The following CHAT variants were observed in gnomAD, a reference collection of about 807,000 sequenced individuals.
The protein encoded by CHAT is acetyl CoA:choline O-acetyltransferase.
Under a neutral mutation model 76.9 loss-of-function variants are expected in CHAT, and 61 were observed. That is an observed-to-expected ratio of 0.79 (90% CI 0.65 to 0.98). The LOEUF (loss-of-function observed/expected upper bound fraction) is 0.98, where lower values mean the gene tolerates loss of function less well. CHAT is among the 50% of genes least tolerant of loss of function. The probability of loss-of-function intolerance (pLI) is 0.00; values close to 1 mark genes in which losing one functional copy is unlikely to be tolerated. For synonymous variants in CHAT, 407 were observed against 397.4 expected, an observed-to-expected ratio of 1.02 and a Z score of -0.29; for missense variants, 946 against 986.9, an observed-to-expected ratio of 0.96 and a Z score of 0.56.
At chr10:49,616,642 C>T (rs1264978152) in intron 2 of CHAT, 40 bp downstream of exon 2, 2 of 1,361,066 alleles carry the variant, frequency 1.5e-6, no homozygotes, top group South Asian at 1.2e-5. Context: ...CCTGCTTTCC[C>T]CACCTACATG....
At chr10:49,617,014 G>T (rs1187790414) in intron 2 of CHAT, among the ~76,000 whole-genome samples, 1 of 152,142 alleles carries the variant, frequency 6.6e-6, no homozygotes, top group African/African-American at 2.4e-5. Context: ...TGGAGCCTTA[G>T]GCACCATGTT....
In CHAT at chr10:49,648,525, G is replaced by A. The variant is rs115964813; in HGVS notation, c.1300G>A (p.Gly434Ser). 23 of 1,613,830 alleles carry A rather than the reference G, an allele frequency of 1.4e-5. No homozygotes were observed. The highest frequency in any genetic ancestry group is 5.0e-5 in the Admixed American group (3 of 60,022). Residue 434 changes from glycine (G) to serine (S), a missense_variant, in exon 9 of 15, where the codon GGC becomes AGC. Physicochemically the swap from Gly to Ser is moderately conservative, Grantham distance 56 (BLOSUM62 0). Transcript: ENST00000337653. ...GTTGCAGTTTGTGGTGGGCCGAGAC[G>A]GCACCTGCGGTGTGGTGTGCGAACA... is the stretch of plus-strand genomic sequence containing the variant. ...KSLQFVVGRD[G>S]TCGVVCEHSP...
In CHAT at chr10:49,662,798, G is replaced by A. The variant is rs778577386; in HGVS notation, c.1977+16G>A. ...CACTAGCCAGGTACGGCCCCGTGCA[G>A]CTATCGCCCAAGAGTAGTGTAGTCA... On this transcript the variant is annotated intron_variant, in intron 14 of 14. Coordinates refer to ENST00000337653, the MANE Select transcript of CHAT (RefSeq NM_020549.5). 1.2e-6 allele frequency: 2 copies of A among 1,614,094 alleles called. No individual in the cohort carries two copies. Among genetic ancestry groups the A allele is most frequent in the South Asian group, 1.1e-5 (1 of 91,090 alleles).
upstream of CHAT, among the ~76,000 whole-genome samples, chr10:49,612,949 C>T (rs1255312673): frequency 6.6e-6 from 1 of 152,190 alleles, no homozygotes; most frequent in African/African-American, 2.4e-5. Context: ...CAGGATAGAC[C>T]CTCTTTTCCA....
intron 7 of CHAT, chr10:49,637,427 G>T (rs1368480179): frequency 6.6e-6 from 1 of 152,142 alleles, no homozygotes; most frequent in Admixed American, 6.5e-5. Context: ...ATCCCCACAT[G>T]TCAAGGGAGG....
Position 49,614,042 on chromosome 10 carries a change from C to G in CHAT, c.-148C>G. The G allele has an allele frequency of 7.1e-7, 1 of 1,401,934 alleles. No individual in the cohort carries two copies. The highest frequency in any genetic ancestry group is 9.7e-7 in the Non-Finnish European group (1 of 1,028,516). 86.8% of individuals were successfully genotyped at this position (1,401,934 alleles called of 1,614,324 possible). Reference sequence around the variant, plus strand: ...GGGGAAGTGCGGTGACTGGGAAATGCTGAGCTAGGGGCAGGAGGCATGGGC... The same window carrying G: ...GGGGAAGTGCGGTGACTGGGAAATGGTGAGCTAGGGGCAGGAGGCATGGGC... On this transcript the variant is annotated 5_prime_UTR_variant, in exon 1 of 15. Coordinates refer to ENST00000337653, the MANE Select transcript of CHAT (RefSeq NM_020549.5).
chr10:49,660,570 G>T (rs2132847178), intron 13 of CHAT, among the ~76,000 whole-genome samples: 1 of 152,258 alleles, frequency 6.6e-6, no homozygotes. Flanking sequence ...AAAAGAAATA[G>T]CTAAAAGACT....
chr10:49,612,564 C>T, upstream of CHAT: 1 of 547,378 alleles, frequency 1.8e-6, no homozygotes, highest in East Asian at 3.0e-5. Context: ...CCATCGCGCT[C>T]CTTGCGGAGG....
Position 49,655,338 on chromosome 10 carries a change from T to A in CHAT, c.1777-48T>A. The A allele has an allele frequency of 1.3e-5, 21 of 1,612,720 alleles. 1 individual carries two copies. In the South Asian group the frequency reaches 2.3e-4, roughly 18 times the overall value. ...CCCTCTGACCACCAGATGCTTTGGC[T>A]CCAAGCAGCCTTTTAAACCCCGCGC... On this transcript the variant is annotated intron_variant, in intron 12 of 14. Transcript: ENST00000337653.
intron 11 of CHAT, among the ~76,000 whole-genome samples, chr10:49,653,967 A>G (rs1839957497): frequency 6.6e-6 from 1 of 152,262 alleles, no homozygotes; most frequent in Non-Finnish European, 1.5e-5. Context: ...GGACATAGCC[A>G]GAGGCTCCTG....
upstream of CHAT, chr10:49,610,707 G>A (rs8187731): frequency 2.7e-4 from 393 of 1,462,342 alleles, 1 homozygote; most frequent in African/African-American, 4.9e-3. Context: ...CGGCCCTGGC[G>A]GAGGCGTCCT....
At chr10:49,651,461 G>A (rs1839875183) in intron 10 of CHAT, among the ~76,000 whole-genome samples, 1 of 152,214 alleles carries the variant, frequency 6.6e-6, no homozygotes, top group Non-Finnish European at 1.5e-5. Flanking sequence ...TCCTGATGGA[G>A]GAGGAGATTG....
intron 5 of CHAT, among the ~76,000 whole-genome samples, chr10:49,622,972 G>T (rs1203702143): frequency 2.0e-5 from 3 of 152,158 alleles, no homozygotes; most frequent in Non-Finnish European, 4.4e-5. Context: ...CCAGGGTAGG[G>T]CTGTTCCCTC....
chr10:49,646,033 A>G (rs1839649444), intron 7 of CHAT, among the ~76,000 whole-genome samples: 1 of 152,030 alleles, frequency 6.6e-6, no homozygotes, highest in Non-Finnish European at 1.5e-5. Flanking sequence ...TGCAACAACA[A>G]TTTTGAAATT....
chr10:49,619,617 G>T (rs1231818009), intron 2 of CHAT, 108 bp from the exon 3 acceptor site: 1 of 1,103,792 alleles, frequency 9.1e-7, no homozygotes, highest in East Asian at 2.5e-5. Flanking sequence ...GGGTCCCAGG[G>T]TAGAGAACAA....
chr10:49,637,987 G>A (rs767760014), intron 7 of CHAT, among the ~76,000 whole-genome samples: 4 of 152,162 alleles, frequency 2.6e-5, no homozygotes, highest in Non-Finnish European at 4.4e-5. Flanking sequence ...TTTCTTCTAC[G>A]TCCTTGCTGA....
intron 7 of CHAT, among the ~76,000 whole-genome samples, chr10:49,639,631 T>C (rs1287816711): frequency 6.6e-6 from 1 of 152,110 alleles, no homozygotes; most frequent in African/African-American, 2.4e-5. Context: ...TCTCTCTTGC[T>C]GTTTTCAAGA....
chr10:49,659,474 T>A (rs1840127010), intron 13 of CHAT, among the ~76,000 whole-genome samples: 1 of 152,048 alleles, frequency 6.6e-6, no homozygotes, highest in Non-Finnish European at 1.5e-5. Context: ...AATCAACAGT[T>A]GTTGAGTACA....
chr10:49,656,191 T>TCTAATTCAGTTGCTAGGTCC (rs1840027135), intron 13 of CHAT, among the ~76,000 whole-genome samples: 2 of 152,070 alleles, frequency 1.3e-5, no homozygotes, highest in Admixed American at 6.5e-5. Context: ...TAGACTTCTC[T>TCTAATTCAGTTGCTAGGTCC]CTAATTCAGT....
Sources: allele counts gnomAD v4.1 joint callset (sites outside exome capture counted in the v4.1 genomes callset), GRCh38; gene constraint gnomAD v4.1.1; transcripts MANE v1.5; gene names NCBI Gene and HGNC (gene_info 2026-07-23, HGNC 2026-07-21).